The following NEK11 variants were observed in gnomAD, a reference collection of about 807,000 sequenced individuals.
NEK11 encodes serine/threonine-protein kinase Nek11.
A neutral mutation model predicts 80.7 loss-of-function variants in NEK11; 72 were observed. That is an observed-to-expected ratio of 0.89 (90% confidence interval 0.74 to 1.08). The LOEUF (loss-of-function observed/expected upper bound fraction) is 1.08. NEK11 is among the 50% of genes least tolerant of loss of function. The pLI, the probability that NEK11 is intolerant of heterozygous loss-of-function variation, is 0.00. For missense variants in NEK11, 764 were observed against 763.6 expected (o/e 1.00, Z -0.01); for synonymous variants, 251 against 260.7 (o/e 0.96, Z 0.36).
chr3:131,252,966 T>A (rs1042936045), intron 16 of NEK11, among the ~76,000 whole-genome samples: 1 of 152,164 alleles, frequency 6.6e-6, no homozygotes, highest in African/African-American at 2.4e-5. Flanking sequence ...CTTCCTAGAT[T>A]TTTTTCCTCT....
chr3:131,133,718 A>G (rs926478172), intron 6 of NEK11, 112 bp from the exon 7 acceptor site: 1 of 715,630 alleles, frequency 1.4e-6, no homozygotes, highest in East Asian at 2.6e-5. Flanking sequence ...TTAAAATGCT[A>G]TGAACCATTG....
At chr3:131,214,624 C>T (rs2674614) in intron 14 of NEK11, among the ~76,000 whole-genome samples, 17,364 of 151,990 alleles carry the variant, frequency 0.11, 1,572 homozygotes, top group East Asian at 0.48. Flanking sequence ...AAAGTGCAGA[C>T]TCTAGAGCTT....
chr3:131,212,392 G>A (rs1054795555), intron 14 of NEK11, among the ~76,000 whole-genome samples: 1 of 152,310 alleles, frequency 6.6e-6, no homozygotes, highest in African/African-American at 2.4e-5. Flanking sequence ...TGTATGACGT[G>A]TCAGTCGGCC....
At position 131,228,409 on chromosome 3, in the gene NEK11, A is replaced by G. The variant is rs1580534836; in HGVS notation, c.1400-119A>G. ...CCAGGAAGCTGAGATTCAGCTCTAC[A>G]CTCCATGGAAGCTTTGTCAACGCAA... On this transcript the variant is annotated intron_variant, in intron 14 of 17. Transcript: ENST00000383366. 11 of 770,774 alleles carry G rather than the reference A, an allele frequency of 1.4e-5. No individual in the cohort carries two copies. The East Asian group carries it at 2.4e-4, about 17-fold the overall frequency. The allele number at this position is 770,774 out of a possible 1,614,324, so 47.7% of individuals were successfully genotyped here.
At chr3:131,171,400 AC>A (rs2092684109) in intron 14 of NEK11, among the ~76,000 whole-genome samples, 1 of 152,170 alleles carries the variant, frequency 6.6e-6, no homozygotes, top group Non-Finnish European at 1.5e-5. Context: ...GCTACCTCAG[AC>A]CACACAGCAA....
intron 17 of NEK11, among the ~76,000 whole-genome samples, chr3:131,305,756 C>A (rs1299037593): frequency 6.6e-6 from 1 of 152,282 alleles, no homozygotes; most frequent in South Asian, 2.1e-4. Context: ...CTCACCTATT[C>A]AACTCACCCT....
chr3:131,077,130 C>T (rs1309598751), intron 3 of NEK11, among the ~76,000 whole-genome samples: 1 of 152,118 alleles, frequency 6.6e-6, no homozygotes, highest in Non-Finnish European at 1.5e-5. Flanking sequence ...AAGCATGTAA[C>T]TTGGGAAGTC....
At chr3:131,319,265 T>C (rs963302887) in intron 17 of NEK11, among the ~76,000 whole-genome samples, 1 of 152,190 alleles carries the variant, frequency 6.6e-6, no homozygotes, top group Non-Finnish European at 1.5e-5. Context: ...TTAACAAACT[T>C]TTACATTTGA....
At chr3:131,114,889 T>C (rs1560469123) in intron 5 of NEK11, among the ~76,000 whole-genome samples, 1 of 152,364 alleles carries the variant, frequency 6.6e-6, no homozygotes, top group Middle Eastern at 3.4e-3. Context: ...ACATATGAGT[T>C]AAGATTACCT....
intron 5 of NEK11, among the ~76,000 whole-genome samples, chr3:131,127,070 A>G (rs1463736420): frequency 3.4e-5 from 5 of 149,216 alleles, no homozygotes; most frequent in African/African-American, 1.2e-4. Flanking sequence ...TGTTCAAGCA[A>G]TTATCCTGCC....
chr3:131,272,142 G>T (rs865975194), intron 16 of NEK11, among the ~76,000 whole-genome samples: 1 of 152,088 alleles, frequency 6.6e-6, no homozygotes, highest in African/African-American at 2.4e-5. Flanking sequence ...ATGTAAAATG[G>T]GGACTCCACC....
At chr3:131,133,105 G>T (rs2084824084) in intron 6 of NEK11, 2 of 349,832 alleles carry the variant, frequency 5.7e-6, no homozygotes, top group Admixed American at 9.0e-5. Flanking sequence ...CCTGTTTCAT[G>T]CCAGGCACTT....
At chr3:131,226,950 A>G (rs2107764016) in intron 14 of NEK11, among the ~76,000 whole-genome samples, 1 of 151,198 alleles carries the variant, frequency 6.6e-6, no homozygotes, top group Non-Finnish European at 1.5e-5. Flanking sequence ...AATATATATT[A>G]TTTCAATATA....
chr3:131,255,127 A>AGAAAGAAAGAAAGAAAG (rs149243171), intron 16 of NEK11, among the ~76,000 whole-genome samples: 3 of 148,272 alleles, frequency 2.0e-5, no homozygotes, highest in East Asian at 2.0e-4. Context: ...AAAGAAAGAA[A>AGAAAGAAAGAAAGAAAG]GAGAGAAAGA....
chr3:131,294,082 G>A (rs566727125), intron 17 of NEK11, among the ~76,000 whole-genome samples: 13 of 151,682 alleles, frequency 8.6e-5, no homozygotes, highest in East Asian at 3.9e-4. Flanking sequence ...ATTGATTTCC[G>A]CTCTAATTCT....
intron 16 of NEK11, among the ~76,000 whole-genome samples, chr3:131,251,606 G>GT (rs1191915765): frequency 2.0e-5 from 3 of 152,038 alleles, no homozygotes; most frequent in Admixed American, 2.0e-4. Context: ...GTATTTTTCA[G>GT]TTTTGGATAC....
chr3:131,200,915 A>G (rs1337800824), intron 14 of NEK11, among the ~76,000 whole-genome samples: 1 of 152,206 alleles, frequency 6.6e-6, no homozygotes, highest in Non-Finnish European at 1.5e-5. Flanking sequence ...TAACATGTGC[A>G]CCAGGAGACA....
intron 14 of NEK11, among the ~76,000 whole-genome samples, chr3:131,210,482 A>G (rs1467246201): frequency 1.3e-5 from 2 of 152,198 alleles, no homozygotes; most frequent in African/African-American, 4.8e-5. Context: ...GTAGATGTCT[A>G]TTAGGTCTGC....
chr3:131,331,336 C>A (rs1471764097), intron 17 of NEK11, among the ~76,000 whole-genome samples: 2 of 152,156 alleles, frequency 1.3e-5, no homozygotes, highest in Non-Finnish European at 2.9e-5. Context: ...TTTTTAAGTT[C>A]TGATGCTTTA....
Sources: allele counts gnomAD v4.1 joint callset (sites outside exome capture counted in the v4.1 genomes callset), GRCh38; gene constraint gnomAD v4.1.1; transcripts MANE v1.5; gene names NCBI Gene and HGNC (gene_info 2026-07-23, HGNC 2026-07-21).